Variants in EML5 observed in about 807,000 individuals in gnomAD.
EML5 encodes echinoderm microtubule-associated protein-like 5.
EML5 carries 120 observed loss-of-function variants against 250.0 expected under a neutral mutation model. The observed-to-expected ratio is 0.48, with a 90% CI of 0.41 to 0.56. The LOEUF (loss-of-function observed/expected upper bound fraction) is 0.56, where lower values mean the gene tolerates loss of function less well. Ranked by LOEUF, EML5 falls within the 20% of genes least tolerant of loss-of-function variation. The pLI, the probability that EML5 is intolerant of heterozygous loss-of-function variation, is 0.00. For synonymous variants in EML5, 771 were observed against 806.5 expected (o/e 0.96, Z 0.75); for missense variants, 2,006 against 2,437.6 (o/e 0.82, Z 3.73).
intron 27 of EML5, among the ~76,000 whole-genome samples, chr14:88,652,533 A>G (rs2091679618): frequency 6.6e-6 from 1 of 152,158 alleles, no homozygotes; most frequent in South Asian, 2.1e-4. Flanking sequence ...ATTCTTCAGC[A>G]CTATCCTAAA....
Position 88,754,644 on chromosome 14 carries a change from C to T in EML5, c.225G>A (p.Leu75=). 2.5e-6 allele frequency: 4 copies of T among 1,611,382 alleles called. No individual in the cohort carries two copies. Among genetic ancestry groups the T allele is most frequent in the Non-Finnish European group, 3.4e-6 (4 of 1,178,862 alleles). ...CTTTCCCAACTTGTCCTGTTGCTAC[C>T]AACACTCGTTCAGGATGCAATGCAA... ...ISLALHPERV[L]VATGQVGKEP... Residue 75 remains leucine, a synonymous_variant, in exon 2 of 44, where the codon TTG becomes TTA. Coordinates refer to ENST00000554922, the MANE Select transcript of EML5 (RefSeq NM_183387.3).
At chr14:88,779,817 C>T (rs1346332459) in intron 1 of EML5, among the ~76,000 whole-genome samples, 1 of 152,086 alleles carries the variant, frequency 6.6e-6, no homozygotes, top group Non-Finnish European at 1.5e-5. Flanking sequence ...GTGGATAGAA[C>T]TAGGTTAAAA....
At chr14:88,722,841 C>A (rs530070511) in intron 8 of EML5, among the ~76,000 whole-genome samples, 1 of 152,036 alleles carries the variant, frequency 6.6e-6, no homozygotes, top group Non-Finnish European at 1.5e-5. Context: ...AGCAAACCAC[C>A]GTGGCACATG....
Position 88,622,677 on chromosome 14 carries a change from A to G in EML5, c.4940T>C (p.Leu1647Pro), listed in dbSNP as rs754081231. The G allele has an allele frequency of 5.6e-6, 9 of 1,610,526 alleles. No individual in the cohort carries two copies. Among genetic ancestry groups the G allele is most frequent in the Non-Finnish European group, 7.6e-6 (9 of 1,178,290 alleles). ...AAGCCTGAAGGCACGGCACCGCCTC[A>G]GTTCCTGATCCCACAGTTTAACCGC... is the stretch of plus-strand genomic sequence containing the variant. Reference protein sequence around the residue: ...GGAVKLWDQELRRCRAFRLET... With the variant: ...GGAVKLWDQEPRRCRAFRLET... Residue 1647 changes from leucine to proline, a missense_variant, in exon 37 of 44, where the codon CTG becomes CCG. By Grantham distance (98) the Leu-to-Pro change is moderately conservative. Coordinates refer to ENST00000554922, the MANE Select transcript of EML5 (RefSeq NM_183387.3).
chr14:88,644,618 G>A (rs2091249173), intron 29 of EML5, 107 bp from the exon 30 acceptor site: 2 of 959,950 alleles, frequency 2.1e-6, no homozygotes, highest in African/African-American at 3.3e-5. Context: ...CCTTCCCAAA[G>A]ATGACCCATT....
intron 21 of EML5, among the ~76,000 whole-genome samples, chr14:88,667,702 T>A (rs1224009400): frequency 6.6e-6 from 1 of 152,128 alleles, no homozygotes; most frequent in African/African-American, 2.4e-5. Flanking sequence ...AGTGTGCTGT[T>A]TTACTAACAG....
chr14:88,745,163 G>GTGTTTGTTTGTT (rs575958301), intron 3 of EML5, among the ~76,000 whole-genome samples: 1 of 141,946 alleles, frequency 7.0e-6, no homozygotes, highest in African/African-American at 2.6e-5. Flanking sequence ...TCTAAATTGT[G>GTGTTTGTTTGTT]TGTTTGTGTG....
intron 21 of EML5, among the ~76,000 whole-genome samples, chr14:88,670,601 T>C (rs1348309499): frequency 1.3e-5 from 2 of 151,910 alleles, no homozygotes; most frequent in Admixed American, 1.3e-4. Flanking sequence ...CTTCAGAAGG[T>C]GGGTAATAAT....
chr14:88,762,194 C>T (rs2140466820), intron 1 of EML5, among the ~76,000 whole-genome samples: 1 of 152,218 alleles, frequency 6.6e-6, no homozygotes, highest in East Asian at 1.9e-4. Flanking sequence ...CACCCAGATT[C>T]ATAAAGCAAG....
At chr14:88,637,431 A>C (rs182610380) in intron 32 of EML5, among the ~76,000 whole-genome samples, 2 of 151,934 alleles carry the variant, frequency 1.3e-5, no homozygotes, top group East Asian at 3.9e-4. Context: ...TTCTTAACTA[A>C]GAAAGAAAAC....
chr14:88,638,878 CATT>C lies in EML5; in HGVS notation c.4264_4266del (p.Asn1422del), dbSNP rs1466655642. On this transcript the variant is annotated inframe_deletion, in exon 32 of 44. Coordinates refer to ENST00000554922, the MANE Select transcript of EML5 (RefSeq NM_183387.3). ...TTTACTGTGAGGCACAGAATATCAT[CATT>C]ATGTTCCTGATAAAAACTCTGAGAA... The C allele has an allele frequency of 1.9e-6, 3 of 1,590,540 alleles. No individual in the cohort carries two copies. The highest frequency in any genetic ancestry group is 1.8e-5 in the Admixed American group (1 of 56,564).
At chr14:88,667,877 T>C (rs2092350143) in intron 21 of EML5, among the ~76,000 whole-genome samples, 1 of 152,240 alleles carries the variant, frequency 6.6e-6, no homozygotes, top group East Asian at 1.9e-4. Context: ...CACAGTTCAA[T>C]GATTTTGCCC....
At chr14:88,634,558 T>A in intron 32 of EML5, 69 bp from the exon 33 acceptor site, 1 of 893,840 alleles carries the variant, frequency 1.1e-6, no homozygotes, top group Non-Finnish European at 1.6e-6. Flanking sequence ...AAATATCATA[T>A]TAATTATAAT....
At chr14:88,704,483 T>C (rs1275566328) in intron 13 of EML5, among the ~76,000 whole-genome samples, 1 of 152,134 alleles carries the variant, frequency 6.6e-6, no homozygotes, top group Non-Finnish European at 1.5e-5. Context: ...CACAGTACTA[T>C]TATCTCCATT....
At chr14:88,739,230 T>C (rs929112414) in intron 5 of EML5, among the ~76,000 whole-genome samples, 3 of 152,348 alleles carry the variant, frequency 2.0e-5, no homozygotes, top group African/African-American at 7.2e-5. Flanking sequence ...CTCACTTATA[T>C]GGATTTTTTC....
chr14:88,770,016 C>T (rs151007558), intron 1 of EML5, among the ~76,000 whole-genome samples: 2 of 150,000 alleles, frequency 1.3e-5, no homozygotes, highest in African/African-American at 4.9e-5. Flanking sequence ...ACTGTTAAGA[C>T]ACTGTTTTTC....
At chr14:88,766,173 C>A (rs1056660135) in intron 1 of EML5, among the ~76,000 whole-genome samples, 2 of 152,132 alleles carry the variant, frequency 1.3e-5, no homozygotes, top group African/African-American at 4.8e-5. Flanking sequence ...GCGTTAACTG[C>A]ACAAATTGTT....
intron 1 of EML5, among the ~76,000 whole-genome samples, chr14:88,791,752 T>C (rs959428351): frequency 6.6e-6 from 1 of 152,188 alleles, no homozygotes; most frequent in Admixed American, 6.5e-5. Flanking sequence ...ATCCAGTGAA[T>C]TGCCTGGAGG....
intron 2 of EML5, 45 bp downstream of exon 2, chr14:88,754,467 T>C: frequency 6.7e-7 from 1 of 1,487,582 alleles, no homozygotes; most frequent in Non-Finnish European, 9.0e-7. Context: ...TTCTATAATA[T>C]ACCTTAACAT....
Sources: gnomAD v4.1 joint callset for allele counts (sites outside exome capture counted in the v4.1 genomes callset) on GRCh38, gnomAD v4.1.1 for gene constraint, MANE v1.5 for transcripts, NCBI Gene and HGNC (gene_info 2026-07-23, HGNC 2026-07-21) for gene names.